OTUD5: variants seen among roughly 807,000 people sequenced by gnomAD.
The protein encoded by OTUD5 is OTU domain-containing protein 5.
In OTUD5, 2 loss-of-function variants were observed where a neutral mutation model predicts 36.3. That is an observed-to-expected ratio of 0.06 (90% CI 0.02 to 0.17). The LOEUF (loss-of-function observed/expected upper bound fraction) is 0.17, where lower values mean the gene tolerates loss of function less well. Ranked by LOEUF, OTUD5 falls within the 10% of genes least tolerant of loss-of-function variation. The pLI is 1.00. For synonymous variants in OTUD5, 234 were observed against 214.9 expected, an observed-to-expected ratio of 1.09 and a Z score of -0.78; for missense variants, 233 against 512.3, an observed-to-expected ratio of 0.45 and a Z score of 5.26.
intron 2 of OTUD5, among the ~76,000 whole-genome samples, chrX:48,936,544 G>A (rs1450519857): frequency 9.0e-6 from 1 of 110,737 alleles, no homozygotes; most frequent in Non-Finnish European, 1.9e-5. Flanking sequence ...ACCGCGCCTG[G>A]CCCAACATGT....
intron 1 of OTUD5, among the ~76,000 whole-genome samples, chrX:48,955,660 G>A (rs1224236055): frequency 1.8e-5 from 2 of 111,139 alleles, no homozygotes; most frequent in African/African-American, 3.3e-5. Flanking sequence ...CTGAGTAGTC[G>A]TCTCAGGCTC....
chrX:48,933,380 A>T (rs1334770347), intron 5 of OTUD5, among the ~76,000 whole-genome samples: 1 of 109,460 alleles, frequency 9.1e-6, no homozygotes, highest in African/African-American at 3.3e-5. Flanking sequence ...CATTAATCAT[A>T]GCGAGGCATA....
Position 48,924,023 on chromosome X carries a change from C to T in OTUD5, c.1293G>A (p.Ser431=), listed in dbSNP as rs138863085. 1.9e-5 allele frequency: 23 copies of T among 1,205,923 alleles called. No individual in the cohort carries two copies. In the African/African-American group the frequency reaches 2.8e-4, roughly 15 times the overall value. ...GGCCACTGGAGGCTGCTGCTGTGGC[C>T]GAACTGCATGTGGCGCTGGCTTTCC... ...QPRKASATCS[S]ATAAASSGLE... is the part of the protein sequence containing the mutation. Residue 431 remains serine, a synonymous_variant, in exon 7 of 9, where the codon TCG becomes TCA. Coordinates refer to ENST00000376488, the MANE Select transcript of OTUD5 (RefSeq NM_001136157.2).
chrX:48,929,151 GC>G (rs1253772627), intron 5 of OTUD5, among the ~76,000 whole-genome samples: 2 of 111,236 alleles, frequency 1.8e-5, no homozygotes, highest in Non-Finnish European at 3.8e-5. Flanking sequence ...ACTTTGGGAG[GC>G]CAAGGTGGGT....
chrX:48,939,347 T>C (rs2063880005), intron 2 of OTUD5, among the ~76,000 whole-genome samples: 1 of 111,122 alleles, frequency 9.0e-6, no homozygotes, highest in South Asian at 3.8e-4. Flanking sequence ...GGGCAGAGAT[T>C]ATAGATATCA....
Position 48,957,346 on chromosome X carries a change from C to A in OTUD5, c.225G>T (p.Pro75=). ...PPPQGPLPGP[P]GALHRWALAV... is the part of the protein sequence containing the mutation. ...CCAGCGCCCAGCGATGAAGAGCGCC[C>A]GGCGGTCCTGGTAGCGGGCCTTGAG... Residue 75 remains proline, a synonymous_variant, in exon 1 of 9, where the codon CCG becomes CCT. Transcript: ENST00000376488. 1 of 1,130,289 alleles carries A rather than the reference C, an allele frequency of 8.8e-7. No homozygotes were observed. The highest frequency in any genetic ancestry group is 3.7e-5 in the East Asian group (1 of 26,869). 93.1% of individuals were successfully genotyped at this position (1,130,289 alleles called of 1,213,427 possible). A position where few individuals can be genotyped will look rare whatever the true frequency, so the allele number is the denominator to read the frequency against.
chrX:48,927,650 A>C (rs2063687034), intron 5 of OTUD5, among the ~76,000 whole-genome samples: 1 of 111,646 alleles, frequency 9.0e-6, no homozygotes, highest in Non-Finnish European at 1.9e-5. Context: ...CACCCTCTAG[A>C]AACTTCCATG....
At position 48,926,351 on chromosome X, in the gene OTUD5, ATT is replaced by A. The variant is rs1318338115; in HGVS notation, c.1060-303_1060-302del. On this transcript the variant is annotated intron_variant, in intron 5 of 8. Transcript: ENST00000376488. ...TCAGGTGCCTTCCAACCTGGGACTT[ATT>A]TTTTTTTTTTTTTCTGAGACGAAGT... Among the ~76,000 whole-genome samples, 186 of 94,622 alleles carry A rather than the reference ATT, an allele frequency of 2.0e-3. 1 individual carries two copies. The highest frequency in any genetic ancestry group is 2.6e-3 in the East Asian group (8 of 3,038). The allele number at this position is 94,622 out of a possible 115,157, so 82.2% of individuals were successfully genotyped here. A position where few individuals can be genotyped will look rare whatever the true frequency, so the allele number is the denominator to read the frequency against.
chrX:48,942,236 CACACACAT>C (rs2063938421), intron 2 of OTUD5, among the ~76,000 whole-genome samples: 2 of 77,586 alleles, frequency 2.6e-5, no homozygotes, highest in Non-Finnish European at 5.0e-5. Context: ...GCTAGATACA[CACACACAT>C]ACACACACAC....
intron 2 of OTUD5, among the ~76,000 whole-genome samples, chrX:48,936,568 T>A (rs1337595689): frequency 9.1e-6 from 1 of 110,488 alleles, no homozygotes. Flanking sequence ...TTAATACAGT[T>A]CCCCACTACC....
intron 1 of OTUD5, among the ~76,000 whole-genome samples, chrX:48,955,907 C>CTA (rs782061047): frequency 2.7e-5 from 3 of 111,859 alleles, no homozygotes; most frequent in South Asian, 7.4e-4. Flanking sequence ...TTCACCTTGT[C>CTA]TGAGACCTTT....
intron 5 of OTUD5, among the ~76,000 whole-genome samples, chrX:48,930,017 T>C (rs1279637552): frequency 4.6e-5 from 5 of 109,047 alleles, no homozygotes; most frequent in African/African-American, 1.7e-4. Flanking sequence ...GGCAGGAGAA[T>C]GGTGTGAACC....
In OTUD5 at chrX:48,957,010, G is replaced by T. The variant is rs781946200; in HGVS notation, c.561C>A (p.Arg187=). The T allele has an allele frequency of 5.9e-6, 7 of 1,195,052 alleles. No homozygotes were observed. The African/African-American group carries it at 1.2e-4, about 21-fold the overall frequency. ...CAGTGGCAGGGTCCATAGCCTCGATGCGTGCTGCAGCCGCCTCATACTCGT... is the reference window on the plus strand; with the variant it reads ...CAGTGGCAGGGTCCATAGCCTCGATTCGTGCTGCAGCCGCCTCATACTCGT... ...SEDEYEAAAA[R]IEAMDPATVE... is the part of the protein sequence containing the mutation. The change falls in exon 1 of 9, where the codon CGC becomes CGA. Residue 187 remains arginine, a synonymous_variant. Coordinates refer to ENST00000376488, the MANE Select transcript of OTUD5 (RefSeq NM_001136157.2).
chrX:48,953,371 G>A (rs1186290851), intron 1 of OTUD5, among the ~76,000 whole-genome samples: 3 of 111,452 alleles, frequency 2.7e-5, no homozygotes, highest in Non-Finnish European at 5.7e-5. Flanking sequence ...GGAAGAGAGG[G>A]GAGAAACCCA....
intron 2 of OTUD5, among the ~76,000 whole-genome samples, chrX:48,937,445 T>C (rs2063846444): frequency 8.9e-6 from 1 of 112,025 alleles, no homozygotes; most frequent in African/African-American, 3.2e-5. Context: ...CCATCTCCTA[T>C]GGAAAGGTCA....
intron 2 of OTUD5, among the ~76,000 whole-genome samples, chrX:48,937,062 G>C (rs1275409731): frequency 8.9e-6 from 1 of 111,938 alleles, no homozygotes; most frequent in East Asian, 2.8e-4. Flanking sequence ...TCCTCTTGGA[G>C]GTGAAGAGAC....
intron 1 of OTUD5, 55 bp from the exon 2 acceptor site, chrX:48,944,338 G>C: frequency 2.5e-6 from 2 of 808,960 alleles, no homozygotes; most frequent in African/African-American, 4.0e-5. Flanking sequence ...CCCTCCCCAG[G>C]GCCCCGACCT....
intron 1 of OTUD5, 45 bp downstream of exon 1, chrX:48,956,932 G>GACT: frequency 1.8e-6 from 2 of 1,086,478 alleles, no homozygotes; most frequent in Non-Finnish European, 2.4e-6. Flanking sequence ...CAGTCTGGGG[G>GACT]TCCCATCTGC....
intron 2 of OTUD5, among the ~76,000 whole-genome samples, chrX:48,937,484 T>C (rs886710248): frequency 8.9e-5 from 10 of 111,965 alleles, no homozygotes; most frequent in African/African-American, 3.2e-4. Context: ...GGGAGTTCTA[T>C]CTTCAAGAGC....
Sources: gnomAD v4.1 joint callset for allele counts (sites outside exome capture counted in the v4.1 genomes callset) on GRCh38, gnomAD v4.1.1 for gene constraint, MANE v1.5 for transcripts, NCBI Gene and HGNC (gene_info 2026-07-23, HGNC 2026-07-21) for gene names.